Variants in CEACAM16 observed in about 807,000 individuals in gnomAD.
The protein encoded by CEACAM16 is CEA cell adhesion molecule 16, tectorial membrane component.
In CEACAM16, 30 loss-of-function variants were observed where a neutral mutation model predicts 39.4. The observed-to-expected ratio is 0.76, with a 90% CI of 0.57 to 1.03. CEACAM16 has a LOEUF of 1.03. Among genes scored for constraint, CEACAM16 ranks in the 50% least tolerant of loss-of-function variants. The pLI, the probability that CEACAM16 is intolerant of heterozygous loss-of-function variation, is 0.00. For missense variants in CEACAM16, 521 were observed against 585.3 expected, an observed-to-expected ratio of 0.89 and a Z score of 1.13; for synonymous variants, 262 against 264.9, an observed-to-expected ratio of 0.99 and a Z score of 0.11.
At chr19:44,703,933 C>T (rs977761111) in intron 3 of CEACAM16, 85 bp from the exon 4 acceptor site, 39 of 1,418,754 alleles carry the variant, frequency 2.7e-5, no homozygotes, top group Admixed American at 7.4e-5. Context: ...AGCCACAATC[C>T]GGCCATGCCC....
At chr19:44,706,629 G>A (rs1203005327) in intron 5 of CEACAM16, among the ~76,000 whole-genome samples, 1 of 152,280 alleles carries the variant, frequency 6.6e-6, no homozygotes, top group Non-Finnish European at 1.5e-5. Flanking sequence ...AAGCAGAAAT[G>A]GCATCCCCAG....
intron 6 of CEACAM16, among the ~76,000 whole-genome samples, chr19:44,708,843 A>G (rs961045219): frequency 6.6e-6 from 1 of 152,182 alleles, no homozygotes; most frequent in Non-Finnish European, 1.5e-5. Flanking sequence ...GATGTTGGGG[A>G]CCATGTCTCC....
chr19:44,708,215 G>T, intron 6 of CEACAM16, 28 bp downstream of exon 6: 1 of 1,494,766 alleles, frequency 6.7e-7, no homozygotes, highest in East Asian at 2.5e-5. Flanking sequence ...GGCAAGGCGT[G>T]CCCCTTTTTA....
In CEACAM16 at chr19:44,701,629, C is replaced by T. The variant is rs1426975933; in HGVS notation, c.37+136C>T. On this transcript the variant is annotated intron_variant, in intron 2 of 6. Coordinates refer to ENST00000587331, the MANE Select transcript of CEACAM16 (RefSeq NM_001039213.4). The surrounding 1 kb of genome is among the most constrained non-coding windows in gnomAD (Gnocchi z 4.0). The stretch of plus-strand genomic sequence containing the variant: ...GGAGGGAGGGCAGCCCTGCTTCACA[C>T]CGGCAGTTTACCCCTCCAAGAGGCA... 3.5e-6 allele frequency: 3 copies of T among 866,206 alleles called. No individual in the cohort carries two copies. Among genetic ancestry groups the T allele is most frequent in the South Asian group, 1.5e-5 (1 of 68,622 alleles). 53.7% of individuals were successfully genotyped at this position (866,206 alleles called of 1,614,324 possible).
At chr19:44,705,905 A>T in intron 5 of CEACAM16, 37 bp downstream of exon 5, 1 of 1,587,678 alleles carries the variant, frequency 6.3e-7, no homozygotes, top group Non-Finnish European at 8.6e-7. Context: ...CCCAGTCCCC[A>T]TGGAGGCCTC....
At chr19:44,700,045 A>T (rs1974320210) in intron 1 of CEACAM16, among the ~76,000 whole-genome samples, 2 of 152,054 alleles carry the variant, frequency 1.3e-5, no homozygotes, top group South Asian at 4.1e-4. Context: ...TCACTCTGTC[A>T]CCCAGGCTGG....
At position 44,699,251 on chromosome 19, in the gene CEACAM16, G is replaced by A. The variant is rs375005046; in HGVS notation, c.-106G>A. 1.7e-5 allele frequency: 9 copies of A among 534,164 alleles called. No homozygotes were observed. Among genetic ancestry groups the A allele is most frequent in the African/African-American group, 3.9e-5 (2 of 51,922 alleles). 33.1% of individuals were successfully genotyped at this position (534,164 alleles called of 1,614,324 possible). A position where few individuals can be genotyped will look rare whatever the true frequency, so the allele number is the denominator to read the frequency against. On this transcript the variant is annotated 5_prime_UTR_variant, in exon 1 of 7. Coordinates refer to ENST00000587331, the MANE Select transcript of CEACAM16 (RefSeq NM_001039213.4). ...GTGATTTACTGAGCATTTACTCTGC[G>A]CCAGTCGTGGTAAGTACTGTACTTC...
intron 6 of CEACAM16, among the ~76,000 whole-genome samples, chr19:44,709,180 C>T (rs935204872): frequency 6.6e-6 from 1 of 151,596 alleles, no homozygotes. Flanking sequence ...GAGGCATGGT[C>T]CATGTCTCCT....
At chr19:44,703,902 C>T (rs192922176) in intron 3 of CEACAM16, 116 bp from the exon 4 acceptor site, 40 of 1,254,960 alleles carry the variant, frequency 3.2e-5, no homozygotes, top group Admixed American at 1.1e-4. Flanking sequence ...TTTGTCCCTC[C>T]GGCTGAGGGT....
intron 6 of CEACAM16, 22 bp downstream of exon 6, chr19:44,708,209 A>G: frequency 1.3e-6 from 2 of 1,511,010 alleles, no homozygotes; most frequent in South Asian, 2.5e-5. Context: ...GGAAGGGGCA[A>G]GGCGTGCCCC....
rs2122194274 is a variant in CEACAM16 at position 44,704,031 on chromosome 19, G to A, written c.396G>A (p.Gln132=). ...GHVQVHEILA[Q]PTVLANSTAL... ...TTGCCCCCACAGAGATCCTGGCCCA[G>A]CCCACAGTCTTGGCCAACAGCACAG... Residue 132 remains glutamine, a synonymous_variant, in exon 4 of 7, where the codon CAG becomes CAA. Coordinates refer to ENST00000587331, the MANE Select transcript of CEACAM16 (RefSeq NM_001039213.4). The A allele has an allele frequency of 6.3e-7, 1 of 1,598,668 alleles. No individual in the cohort carries two copies. Among genetic ancestry groups the A allele is most frequent in the Non-Finnish European group, 8.5e-7 (1 of 1,169,672 alleles).
At position 44,705,526 on chromosome 19, in the gene CEACAM16, G is replaced by C. The variant is rs1341079721; in HGVS notation, c.662-64G>C. The C allele has an allele frequency of 5.3e-6, 8 of 1,502,944 alleles. No individual in the cohort carries two copies. The East Asian group carries it at 1.6e-4, about 30-fold the overall frequency. 93.1% of individuals were successfully genotyped at this position (1,502,944 alleles called of 1,614,324 possible). ...ACCTAGCTTGGTGGAGAGAAAACCAGGGGTACCAACCTCCACTCCTCCTTC... is the reference window on the plus strand; with the variant it reads ...ACCTAGCTTGGTGGAGAGAAAACCACGGGTACCAACCTCCACTCCTCCTTC... On this transcript the variant is annotated intron_variant, in intron 4 of 6. Transcript: ENST00000587331.
At position 44,701,684 on chromosome 19, in the gene CEACAM16, C is replaced by T. The variant is rs1213184375; in HGVS notation, c.37+191C>T. On this transcript the variant is annotated intron_variant, in intron 2 of 6. Coordinates refer to ENST00000587331, the MANE Select transcript of CEACAM16 (RefSeq NM_001039213.4). This position sits in a 1 kb window ranked among gnomAD's most constrained non-coding sequence, Gnocchi z 4.0. Reference sequence around the variant, plus strand: ...CATTGGGCAGGCTGGGGACAGCCACCCAGAGAGGTTTTCAGGGTGGGCTTT... The same window carrying T: ...CATTGGGCAGGCTGGGGACAGCCACTCAGAGAGGTTTTCAGGGTGGGCTTT... Among the ~76,000 whole-genome samples the T allele has an allele frequency of 2.0e-5, 3 of 152,164 alleles. No individual in the cohort carries two copies. Among genetic ancestry groups the T allele is most frequent in the Non-Finnish European group, 4.4e-5 (3 of 68,026 alleles).
intron 1 of CEACAM16, 122 bp downstream of exon 1, chr19:44,699,382 C>T (rs3948201): frequency 0.034 from 16,889 of 491,512 alleles, 355 homozygotes; most frequent in Admixed American, 0.054. Context: ...CCATAAATTG[C>T]CCAGGGTCCT....
intron 4 of CEACAM16, 52 bp from the exon 5 acceptor site, chr19:44,705,537 CT>C: frequency 6.5e-7 from 1 of 1,528,966 alleles, no homozygotes; most frequent in Non-Finnish European, 8.8e-7. Context: ...GGGTACCAAC[CT>C]CCACTCCTCC....
rs1396426583 is a variant in CEACAM16 at position 44,703,614 on chromosome 19, G to A, written c.303G>A (p.Arg101=). The change falls in exon 3 of 7, where the codon CGG becomes CGA. Residue 101 remains arginine, a synonymous_variant. Coordinates refer to ENST00000587331, the MANE Select transcript of CEACAM16 (RefSeq NM_001039213.4). ...GSLDIQGILP[R]HSGTYILQTF... ...TGGACATCCAGGGCATCCTGCCCCG[G>A]CACTCAGGCACCTACATCCTGCAGA... 1.2e-6 allele frequency: 2 copies of A among 1,608,550 alleles called. No homozygotes were observed. The highest frequency in any genetic ancestry group is 1.7e-6 in the Non-Finnish European group (2 of 1,177,356).
At chr19:44,700,424 C>T (rs979927997) in intron 1 of CEACAM16, among the ~76,000 whole-genome samples, 1 of 152,112 alleles carries the variant, frequency 6.6e-6, no homozygotes, top group African/African-American at 2.4e-5. Flanking sequence ...AGGCACCTGC[C>T]ACCACGCCTG....
chr19:44,707,477 C>T (rs1974466919), intron 5 of CEACAM16, among the ~76,000 whole-genome samples: 1 of 151,932 alleles, frequency 6.6e-6, no homozygotes, highest in Non-Finnish European at 1.5e-5. Context: ...GACACAAGTC[C>T]CAACCATCTC....
In CEACAM16 at chr19:44,704,083, C is replaced by G. The variant is rs1231453531; in HGVS notation, c.448C>G (p.Arg150Gly). 3 of 1,609,322 alleles carry G rather than the reference C, an allele frequency of 1.9e-6. No individual in the cohort carries two copies. The highest frequency in any genetic ancestry group is 8.5e-7 in the Non-Finnish European group (1 of 1,178,862). The change falls in exon 4 of 7, where the codon CGC (arginine) becomes GGC (glycine). Residue 150 changes from arginine to glycine, a missense_variant. Coordinates refer to ENST00000587331, the MANE Select transcript of CEACAM16 (RefSeq NM_001039213.4). ...GCTGGTGGAACGTCGAGACACCCTG[C>G]GCCTTATGTGCAGCAGCCCCAGCCC... ...TALVERRDTL[R>G]LMCSSPSPTA...
Sources: gnomAD v4.1 joint callset for allele counts (sites outside exome capture counted in the v4.1 genomes callset) on GRCh38, gnomAD v4.1.1 for gene constraint, Gnocchi (gnomAD v3.1) non-coding constraint, MANE v1.5 for transcripts, NCBI Gene and HGNC (gene_info 2026-07-23, HGNC 2026-07-21) for gene names.